LRP4: variants seen among roughly 807,000 people sequenced by gnomAD.
LRP4 encodes low-density lipoprotein receptor-related protein 4.
In LRP4, 95 loss-of-function variants were observed where a neutral mutation model predicts 220.3. The observed-to-expected ratio is 0.43, with a 90% CI of 0.37 to 0.51. The LOEUF (loss-of-function observed/expected upper bound fraction) is 0.51. LRP4 is among the 20% of genes least tolerant of loss of function. The pLI, the probability that LRP4 is intolerant of heterozygous loss-of-function variation, is 0.00. For missense variants in LRP4, 1,925 were observed against 2,567.0 expected (o/e 0.75, Z 5.40); for synonymous variants, 903 against 954.6 (o/e 0.95, Z 1.00).
At chr11:46,904,202 C>T (rs573925758) in intron 1 of LRP4, among the ~76,000 whole-genome samples, 1 of 152,312 alleles carries the variant, frequency 6.6e-6, no homozygotes, top group South Asian at 2.1e-4. Flanking sequence ...GGACCCTGCC[C>T]TCAGGCTGGG....
At position 46,898,969 on chromosome 11, in the gene LRP4, A is replaced by G. The variant is rs2134862174; in HGVS notation, c.611T>C (p.Ile204Thr). The G allele has an allele frequency of 4.3e-6, 7 of 1,613,844 alleles. No homozygotes were observed. The highest frequency in any genetic ancestry group is 5.9e-6 in the Non-Finnish European group (7 of 1,180,010). The change falls in exon 6 of 38, where the codon ATC becomes ACC. Residue 204 changes from isoleucine to threonine, a missense_variant. Physicochemically the swap from Ile to Thr is moderately conservative, Grantham distance 89. This residue lies in a region of LRP4 where 412 missense variants were observed against 505.4 expected (regional missense o/e 0.82). Coordinates refer to ENST00000378623, the MANE Select transcript of LRP4 (RefSeq NM_002334.4). Reference sequence around the variant, plus strand: ...GCCATCGCAGTGGTAGATGTCGAGGATGCAGCGTCCATAGGCACACTGGAA... The same window carrying G: ...GCCATCGCAGTGGTAGATGTCGAGGGTGCAGCGTCCATAGGCACACTGGAA... ...EEFQCAYGRC[I>T]LDIYHCDGDD...
At chr11:46,902,951 C>T (rs1253430124) in intron 1 of LRP4, 22 bp from the exon 2 acceptor site, 8 of 1,613,610 alleles carry the variant, frequency 5.0e-6, no homozygotes, top group African/African-American at 1.3e-5. Context: ...GAAAAGGAAT[C>T]AGTGAGGGCT....
chr11:46,875,693 G>A lies in LRP4; in HGVS notation c.3700-12C>T. On this transcript the variant is annotated splice_polypyrimidine_tract_variant and intron_variant, in intron 26 of 37. Coordinates refer to ENST00000378623, the MANE Select transcript of LRP4 (RefSeq NM_002334.4). The surrounding 1 kb of genome is among the most constrained non-coding windows in gnomAD (Gnocchi z 4.5). ...GCAGCCTCAATTCGCTGCAGAGGAA[G>A]GAGAGGGTGGGGGGTGGTGATCAGC... 1 of 1,613,528 alleles carries A rather than the reference G, an allele frequency of 6.2e-7. No individual in the cohort carries two copies. Among genetic ancestry groups the A allele is most frequent in the South Asian group, 1.1e-5 (1 of 91,056 alleles).
In LRP4 at chr11:46,886,524, T is replaced by G; in HGVS notation, c.2225A>C (p.Lys742Thr). 1 of 1,614,092 alleles carries G rather than the reference T, an allele frequency of 6.2e-7. No individual in the cohort carries two copies. Among genetic ancestry groups the G allele is most frequent in the Non-Finnish European group, 8.5e-7 (1 of 1,180,002 alleles). ...SSHACAQSLDKFLLFARRMDI... is the reference protein window; with the variant it reads ...SSHACAQSLDTFLLFARRMDI... ...CATCCTTCGGGCAAAAAGCAGGAAC[T>G]TGTCAAGACCTGATCAAAGGCCGAA... Residue 742 changes from lysine (K) to threonine (T), a missense_variant, in exon 17 of 38, where the codon AAG becomes ACG. Physicochemically the swap from Lys to Thr is moderately conservative, Grantham distance 78. This residue lies in a region of LRP4 where 1,244 missense variants were observed against 1,624.9 expected (regional missense o/e 0.77). Transcript: ENST00000378623.
intron 1 of LRP4, among the ~76,000 whole-genome samples, chr11:46,906,774 C>G (rs1420058848): frequency 6.6e-6 from 1 of 152,090 alleles, no homozygotes; most frequent in Admixed American, 6.6e-5. Context: ...ACAGAAGTCC[C>G]GATTTCCCCC....
chr11:46,889,745 A>T, intron 15 of LRP4, 199 bp downstream of exon 15: 2 of 828,678 alleles, frequency 2.4e-6, no homozygotes, highest in South Asian at 3.1e-5. Flanking sequence ...GGAACGGTGA[A>T]GTCTAATGAA....
intron 37 of LRP4, among the ~76,000 whole-genome samples, chr11:46,860,119 C>T (rs1023928274): frequency 2.6e-5 from 4 of 151,520 alleles, no homozygotes; most frequent in Non-Finnish European, 5.9e-5. Flanking sequence ...CCTGTAATCC[C>T]AGCTATTTGG....
chr11:46,896,836 C>T (rs1168727162), intron 8 of LRP4, 33 bp downstream of exon 8: 1 of 1,613,932 alleles, frequency 6.2e-7, no homozygotes, highest in East Asian at 2.2e-5. Context: ...CAACTATAGG[C>T]TAAGGGTTCT....
At chr11:46,886,894 T>C (rs1168121079) in intron 16 of LRP4, among the ~76,000 whole-genome samples, 1 of 152,212 alleles carries the variant, frequency 6.6e-6, no homozygotes, top group Admixed American at 6.5e-5. Flanking sequence ...GTGTCAGGGC[T>C]CCTGCCCCTC....
intron 31 of LRP4, among the ~76,000 whole-genome samples, chr11:46,870,961 A>C (rs1940845802): frequency 6.6e-6 from 1 of 152,208 alleles, no homozygotes; most frequent in Admixed American, 6.5e-5. Context: ...AAGCTGAGAG[A>C]GGTTCAGTCA....
intron 13 of LRP4, among the ~76,000 whole-genome samples, chr11:46,891,464 C>CACAG (rs1308481884): frequency 1.8e-3 from 267 of 147,090 alleles, no homozygotes; most frequent in African/African-American, 6.7e-3. Flanking sequence ...CACACACACA[C>CACAG]AGACACACAC....
Position 46,889,800 on chromosome 11 carries a change from G to A in LRP4, c.2092+144C>T, listed in dbSNP as rs1426479657. 9 of 937,954 alleles carry A rather than the reference G, an allele frequency of 9.6e-6. No individual in the cohort carries two copies. In the Admixed American group the frequency reaches 1.6e-4, roughly 17 times the overall value. 58.1% of individuals were successfully genotyped at this position (937,954 alleles called of 1,614,324 possible). Reference sequence around the variant, plus strand: ...GTACTGCCCCGAATGTCCAGCAGAGGGAGGAATTAGCCCATGTCAGTGCCC... The same window carrying A: ...GTACTGCCCCGAATGTCCAGCAGAGAGAGGAATTAGCCCATGTCAGTGCCC... On this transcript the variant is annotated intron_variant, in intron 15 of 37. Transcript: ENST00000378623.
intron 34 of LRP4, among the ~76,000 whole-genome samples, chr11:46,867,530 C>T (rs886644796): frequency 1.3e-5 from 2 of 152,158 alleles, no homozygotes; most frequent in Admixed American, 6.5e-5. Flanking sequence ...GGCGCGATCT[C>T]GGCTCACCGC....
chr11:46,884,646 A>C (rs896650195), intron 18 of LRP4, among the ~76,000 whole-genome samples: 2 of 148,512 alleles, frequency 1.3e-5, no homozygotes, highest in African/African-American at 4.9e-5. Flanking sequence ...CTGAGGCAGG[A>C]GAATGGCGTG....
At position 46,895,294 on chromosome 11, in the gene LRP4, G is replaced by A; in HGVS notation, c.1184-3C>T. ...CTCCTCGGCACATTCATTCACATCT[G>A]GGAACACCAGGCAGGTCAAGAGATC... is the stretch of plus-strand genomic sequence containing the variant. On this transcript the variant is annotated splice_region_variant and splice_polypyrimidine_tract_variant and intron_variant, in intron 10 of 37. Coordinates refer to ENST00000378623, the MANE Select transcript of LRP4 (RefSeq NM_002334.4). 1 of 1,612,472 alleles carries A rather than the reference G, an allele frequency of 6.2e-7. No homozygotes were observed. The highest frequency in any genetic ancestry group is 8.5e-7 in the Non-Finnish European group (1 of 1,179,992).
intron 1 of LRP4, among the ~76,000 whole-genome samples, chr11:46,904,499 G>GGATGGATA (rs1941726424): frequency 9.2e-6 from 1 of 108,610 alleles, no homozygotes; most frequent in South Asian, 3.5e-4. Flanking sequence ...ATGGATGGAT[G>GGATGGATA]GACGGACAGA....
intron 16 of LRP4, among the ~76,000 whole-genome samples, chr11:46,888,010 G>T: frequency 2.9e-5 from 1 of 34,936 alleles, no homozygotes; most frequent in Non-Finnish European, 4.4e-5. Flanking sequence ...GCAAGACCCT[G>T]TCTCAAAAAA....
chr11:46,906,452 T>C (rs1214537814), intron 1 of LRP4, among the ~76,000 whole-genome samples: 1 of 148,056 alleles, frequency 6.8e-6, no homozygotes, highest in Non-Finnish European at 1.5e-5. Context: ...CGAGACTCTG[T>C]CTCGAAAAAA....
rs990593645 is a variant in LRP4, at chr11:46,899,736, C to T, written c.430+127G>A. The T allele has an allele frequency of 1.3e-5, 12 of 896,310 alleles. No homozygotes were observed. The highest frequency in any genetic ancestry group is 1.9e-5 in the Non-Finnish European group (10 of 540,506). 55.5% of individuals were successfully genotyped at this position (896,310 alleles called of 1,614,324 possible). On this transcript the variant is annotated intron_variant, in intron 4 of 37. Transcript: ENST00000378623. The surrounding 1 kb of genome is among the most constrained non-coding windows in gnomAD (Gnocchi z 5.9). ...GAGCGGCTCTGCCCCCTCTGCGTTCCTCTAGCTGCTCCAGATATCTGGGCA... is the reference window on the plus strand; with the variant it reads ...GAGCGGCTCTGCCCCCTCTGCGTTCTTCTAGCTGCTCCAGATATCTGGGCA...
Sources: allele counts gnomAD v4.1 joint callset (sites outside exome capture counted in the v4.1 genomes callset), GRCh38; gene constraint gnomAD v4.1.1; regional missense constraint gnomAD v4.1.1; non-coding constraint Gnocchi (gnomAD v3.1); transcripts MANE v1.5; gene names NCBI Gene and HGNC (gene_info 2026-07-23, HGNC 2026-07-21).